MDGA1: variants seen among roughly 807,000 people sequenced by gnomAD.
MDGA1 encodes the protein MAM domain containing glycosylphosphatidylinositol anchor 1.
Under a neutral mutation model 101.5 loss-of-function variants are expected in MDGA1, and 54 were observed. That is an observed-to-expected ratio of 0.53 (90% CI 0.43 to 0.67). The LOEUF (loss-of-function observed/expected upper bound fraction) is 0.67. MDGA1 is among the 30% of genes least tolerant of loss of function. MDGA1 has a pLI of 0.00. For synonymous variants in MDGA1, 533 were observed against 558.3 expected (o/e 0.95, Z 0.64); for missense variants, 1,083 against 1,323.8 (o/e 0.82, Z 2.82).
Position 37,664,076 on chromosome 6 carries a change from C to A in MDGA1, c.98G>T (p.Gly33Val), listed in dbSNP as rs751341337. Reference protein sequence around the residue: ...APAQAQIVHAGQACVVKEDNI... With the variant: ...APAQAQIVHAVQACVVKEDNI... ...GTCCTCTTTCACCACACATGCCTGG[C>A]CCGCATGCACGATCTGCGCCTGGGC... The change falls in exon 2 of 17, where the codon GGC (glycine) becomes GTC (valine). Residue 33 changes from glycine to valine, a missense_variant. Physicochemically the swap from Gly to Val is moderately radical, Grantham distance 109 (BLOSUM62 -3). Transcript: ENST00000434837. The A allele has an allele frequency of 1.2e-6, 2 of 1,613,800 alleles. No homozygotes were observed. The highest frequency in any genetic ancestry group is 2.7e-5 in the African/African-American group (2 of 74,902).
intron 1 of MDGA1, among the ~76,000 whole-genome samples, chr6:37,666,048 A>G (rs1295451229): frequency 6.6e-6 from 1 of 152,118 alleles, no homozygotes; most frequent in African/African-American, 2.4e-5. Context: ...GCAATCCTCT[A>G]TAAGAAATAA....
chr6:37,681,324 C>A (rs1294076874), intron 1 of MDGA1, among the ~76,000 whole-genome samples: 4 of 152,056 alleles, frequency 2.6e-5, no homozygotes, highest in Non-Finnish European at 5.9e-5. Context: ...CCTGCCCCTG[C>A]CCCCCCTCTT....
chr6:37,658,492 G>A (rs935649701), intron 2 of MDGA1, 73 bp from the exon 3 acceptor site: 35 of 1,412,152 alleles, frequency 2.5e-5, no homozygotes, highest in South Asian at 4.0e-5. Context: ...TGAGTGCCCT[G>A]CAACGGCACC....
chr6:37,665,415 G>C (rs1242612428), intron 1 of MDGA1, among the ~76,000 whole-genome samples: 1 of 152,206 alleles, frequency 6.6e-6, no homozygotes, highest in African/African-American at 2.4e-5. Context: ...GTGGCTAAGA[G>C]ATATCAAATT....
intron 1 of MDGA1, among the ~76,000 whole-genome samples, chr6:37,681,425 C>T (rs564471964): frequency 1.3e-5 from 2 of 152,220 alleles, no homozygotes; most frequent in South Asian, 4.2e-4. Flanking sequence ...CCGTGCCCAC[C>T]CCCTGCCTTG....
At chr6:37,658,576 G>C (rs1429557447) in intron 2 of MDGA1, among the ~76,000 whole-genome samples, 157 bp from the exon 3 acceptor site, 1 of 152,222 alleles carries the variant, frequency 6.6e-6, no homozygotes, top group Admixed American at 6.5e-5. Flanking sequence ...AGACAGACTC[G>C]TGGGAATGCA....
intron 14 of MDGA1, among the ~76,000 whole-genome samples, chr6:37,640,983 G>A (rs958183628): frequency 9.2e-5 from 14 of 152,136 alleles, no homozygotes; most frequent in Admixed American, 7.9e-4. Context: ...CCCACCCCCT[G>A]CTGGCGAAGG....
Position 37,654,391 on chromosome 6 carries a change from G to A in MDGA1, c.865C>T (p.Gln289Ter). The stretch of plus-strand genomic sequence containing the variant: ...GAAGGGATGCTGAGGGTGCCACCCT[G>A]GGCCAGAGCACCCAGGGGCAGTGGG... Reference protein sequence around the residue: ...PGPLPLGALAQGGTLSIPSVQ... With the variant: ...PGPLPLGALA The change falls in exon 6 of 17, where the codon CAG becomes TAG. Residue 289 changes from glutamine (Q) to a stop codon, truncating the protein, a stop_gained. Transcript: ENST00000434837. LOFTEE classifies it high-confidence loss of function. 1 of 1,613,818 alleles carries A rather than the reference G, an allele frequency of 6.2e-7. No individual in the cohort carries two copies. The highest frequency in any genetic ancestry group is 8.5e-7 in the Non-Finnish European group (1 of 1,179,798).
At chr6:37,651,854 G>A (rs185564748) in intron 7 of MDGA1, among the ~76,000 whole-genome samples, 157 bp downstream of exon 7, 1 of 152,300 alleles carries the variant, frequency 6.6e-6, no homozygotes, top group Admixed American at 6.5e-5. Context: ...ACAGTGCCTG[G>A]CATATTAACA....
chr6:37,644,376 G>T (rs922987455), intron 13 of MDGA1, 121 bp downstream of exon 13: 3 of 1,117,520 alleles, frequency 2.7e-6, no homozygotes, highest in Non-Finnish European at 3.6e-6. Context: ...AGCTCCCTGA[G>T]AACAGGGCTG....
At position 37,649,099 on chromosome 6, in the gene MDGA1, CGGCGGCGGCGGGAACAACA is replaced by C. The variant is rs1761292911; in HGVS notation, c.1758_1776del (p.Val587ArgfsTer13). The stretch of plus-strand genomic sequence containing the variant: ...CGCAGCTCCGCGTGATCCGGCGCCT[CGGCGGCGGCGGGAACAACA>C]GGCGGCGGCGGCAGCAGCTGCCCTT... On this transcript the variant is annotated frameshift_variant, in exon 9 of 17. Transcript: ENST00000434837. LOFTEE classifies it high-confidence loss of function. The C allele has an allele frequency of 1.3e-6, 2 of 1,519,024 alleles. No homozygotes were observed. The highest frequency in any genetic ancestry group is 1.4e-5 in the African/African-American group (1 of 70,314). The allele number at this position is 1,519,024 out of a possible 1,614,324, so 94.1% of individuals were successfully genotyped here.
rs371220274 is a variant in MDGA1, at chr6:37,655,863, G to A, written c.416C>T (p.Thr139Met). ...LDEPMLTVHQ[T>M]VSDVRGNFYQ... is the part of the protein sequence containing the mutation. ...GAAGTTGCCTCGCACATCGCTCACC[G>A]TCTGGTGCACCGTCAGCATTGGCTC... is the stretch of plus-strand genomic sequence containing the variant. Residue 139 changes from threonine (T) to methionine (M), a missense_variant, in exon 4 of 17, where the codon ACG becomes ATG. Thr to Met is a moderately conservative substitution (Grantham distance 81). Coordinates refer to ENST00000434837, the MANE Select transcript of MDGA1 (RefSeq NM_153487.4). This position sits in a 1 kb window ranked among gnomAD's most constrained non-coding sequence, Gnocchi z 5.1. 1.2e-4 allele frequency: 200 copies of A among 1,613,140 alleles called. No homozygotes were observed. Among genetic ancestry groups the A allele is most frequent in the Non-Finnish European group, 1.4e-4 (169 of 1,179,598 alleles).
Position 37,655,117 on chromosome 6 carries a change from T to G in MDGA1, c.580-185A>C. Reference sequence around the variant, plus strand: ...CCTGGGGTGGATGCTACACTCTCCATAGCCTTGGCAGTGCCTCATCATGGG... The same window carrying G: ...CCTGGGGTGGATGCTACACTCTCCAGAGCCTTGGCAGTGCCTCATCATGGG... On this transcript the variant is annotated intron_variant, in intron 4 of 16. Transcript: ENST00000434837. This position sits in a 1 kb window ranked among gnomAD's most constrained non-coding sequence, Gnocchi z 5.1. 2.9e-6 allele frequency: 2 copies of G among 679,268 alleles called. No individual in the cohort carries two copies. Among genetic ancestry groups the G allele is most frequent in the East Asian group, 2.8e-5 (1 of 36,190 alleles). The allele number at this position is 679,268 out of a possible 1,614,324, so 42.1% of individuals were successfully genotyped here. A position where few individuals can be genotyped will look rare whatever the true frequency, so the allele number is the denominator to read the frequency against.
In MDGA1 at chr6:37,646,098, C is replaced by T. The variant is rs1014002362; in HGVS notation, c.2224+100G>A. On this transcript the variant is annotated intron_variant, in intron 11 of 16. Coordinates refer to ENST00000434837, the MANE Select transcript of MDGA1 (RefSeq NM_153487.4). The stretch of plus-strand genomic sequence containing the variant: ...TGGCCTGCAGTGACAAGGTAGTACA[C>T]GGTGGGGAACCCCAAGCTTAGGAAC... The T allele has an allele frequency of 6.4e-6, 10 of 1,553,660 alleles. No individual in the cohort carries two copies. In the African/African-American group the frequency reaches 8.2e-5, roughly 13 times the overall value.
intron 11 of MDGA1, 46 bp downstream of exon 11, chr6:37,646,152 G>A: frequency 3.2e-6 from 5 of 1,553,866 alleles, no homozygotes; most frequent in South Asian, 1.2e-5. Context: ...GGGGTCCCTG[G>A]CCATGAGATG....
intron 1 of MDGA1, among the ~76,000 whole-genome samples, chr6:37,686,468 T>A (rs1762199838): frequency 2.0e-5 from 3 of 150,840 alleles, no homozygotes; most frequent in African/African-American, 7.3e-5. Flanking sequence ...CTCTCGTTGC[T>A]CAGGCTGGAG....
At chr6:37,641,291 G>A (rs575342942) in intron 14 of MDGA1, among the ~76,000 whole-genome samples, 3 of 152,294 alleles carry the variant, frequency 2.0e-5, no homozygotes, top group South Asian at 2.1e-4. Context: ...GCCAGCCAAC[G>A]GGCACCATCT....
At chr6:37,657,315 T>C (rs1217778339) in intron 3 of MDGA1, among the ~76,000 whole-genome samples, 2 of 152,200 alleles carry the variant, frequency 1.3e-5, no homozygotes, top group Admixed American at 6.5e-5. Flanking sequence ...GCATTGACAG[T>C]ACACATTCCA....
chr6:37,676,026 T>C (rs1053582401), intron 1 of MDGA1, among the ~76,000 whole-genome samples: 1 of 152,184 alleles, frequency 6.6e-6, no homozygotes, highest in Admixed American at 6.5e-5. Flanking sequence ...GGCTCCCTAT[T>C]GTGAATGTGA....
Sources: gnomAD v4.1 joint callset for allele counts (sites outside exome capture counted in the v4.1 genomes callset) on GRCh38, gnomAD v4.1.1 for gene constraint, Gnocchi (gnomAD v3.1) non-coding constraint, MANE v1.5 for transcripts, NCBI Gene and HGNC (gene_info 2026-07-23, HGNC 2026-07-21) for gene names.